Variants in TTI1 observed in about 807,000 individuals in gnomAD.
TTI1 encodes TELO2-interacting protein 1 homolog.
In TTI1, 52 loss-of-function variants were observed where a neutral mutation model predicts 85.4. The ratio of observed to expected loss-of-function variants is 0.61; its 90% CI spans 0.49 to 0.77. The LOEUF (loss-of-function observed/expected upper bound fraction) is 0.77. Ranked by LOEUF, TTI1 falls within the 30% of genes least tolerant of loss-of-function variation. The pLI, the probability that TTI1 is intolerant of heterozygous loss-of-function variation, is 0.00. For synonymous variants in TTI1, 512 were observed against 503.9 expected, an observed-to-expected ratio of 1.02 and a Z score of -0.22; for missense variants, 1,173 against 1,296.0, an observed-to-expected ratio of 0.91 and a Z score of 1.46.
chr20:37,987,061 G>A lies in TTI1; in HGVS notation c.3087-3422C>T, dbSNP rs972663795. On this transcript the variant is annotated intron_variant, in intron 7 of 7. Transcript: ENST00000373447. ...GCAAGTGTAGCTGTGCTCTCACTCC[G>A]AGAGGCAGGCGGCCTGCTGAACTCT... 1.0e-4 allele frequency: 42 copies of A among 420,634 alleles called. 1 individual carries two copies. The highest frequency in any genetic ancestry group is 8.6e-4 in the Admixed American group (34 of 39,322). 26.1% of individuals were successfully genotyped at this position (420,634 alleles called of 1,614,324 possible).
chr20:37,984,443 C>T (rs1163478865), intron 7 of TTI1, among the ~76,000 whole-genome samples: 1 of 152,354 alleles, frequency 6.6e-6, no homozygotes. Flanking sequence ...GGTCACAACT[C>T]TTGCCTCTTA....
intron 1 of TTI1, among the ~76,000 whole-genome samples, chr20:38,031,473 C>T (rs777320656): frequency 2.0e-5 from 3 of 152,202 alleles, no homozygotes; most frequent in Non-Finnish European, 2.9e-5. Context: ...ATCAATGAGG[C>T]CTTCTCTGAG....
intron 4 of TTI1, among the ~76,000 whole-genome samples, chr20:38,001,207 G>A (rs1169201709): frequency 2.0e-5 from 3 of 152,178 alleles, no homozygotes; most frequent in African/African-American, 7.2e-5. Flanking sequence ...ATGAATGAGT[G>A]TATGTGTCTT....
chr20:37,997,936 C>T (rs1568612991), intron 5 of TTI1, among the ~76,000 whole-genome samples: 1 of 152,130 alleles, frequency 6.6e-6, no homozygotes, highest in Non-Finnish European at 1.5e-5. Context: ...TAATCTCTTT[C>T]TTTTTTCGAG....
chr20:38,006,430 C>A (rs2073501177), intron 2 of TTI1, 33 bp from the exon 3 acceptor site: 2 of 1,611,048 alleles, frequency 1.2e-6, no homozygotes, highest in African/African-American at 2.7e-5. Flanking sequence ...ATCACCTTGG[C>A]TATTAACAAC....
intron 3 of TTI1, among the ~76,000 whole-genome samples, chr20:38,005,471 C>G (rs1277815411): frequency 1.3e-5 from 2 of 151,878 alleles, no homozygotes; most frequent in Admixed American, 1.3e-4. Flanking sequence ...ATGGACAAAG[C>G]ATATAAATAG....
At chr20:38,025,097 C>T (rs749036918) in intron 1 of TTI1, among the ~76,000 whole-genome samples, 2 of 152,138 alleles carry the variant, frequency 1.3e-5, no homozygotes, top group African/African-American at 2.4e-5. Context: ...TGATGAGGTA[C>T]GGACCCCCTT....
At chr20:38,023,963 C>T (rs1038997454) in intron 1 of TTI1, among the ~76,000 whole-genome samples, 12 of 152,216 alleles carry the variant, frequency 7.9e-5, no homozygotes, top group South Asian at 6.2e-4. Context: ...TACATATTTC[C>T]GGAAATTACT....
At chr20:38,031,478 T>C (rs1222439361) in intron 1 of TTI1, among the ~76,000 whole-genome samples, 2 of 152,240 alleles carry the variant, frequency 1.3e-5, no homozygotes, top group Admixed American at 6.5e-5. Flanking sequence ...TGAGGCCTTC[T>C]CTGAGAAGCA....
intron 5 of TTI1, 53 bp downstream of exon 5, chr20:37,999,135 G>T (rs1468950521): frequency 7.5e-7 from 1 of 1,325,070 alleles, no homozygotes; most frequent in Non-Finnish European, 9.7e-7. Flanking sequence ...GGTGAGCTCT[G>T]TGCCTACTAA....
At chr20:38,000,707 A>AG (rs1254417734) in intron 4 of TTI1, among the ~76,000 whole-genome samples, 2 of 152,228 alleles carry the variant, frequency 1.3e-5, no homozygotes, top group African/African-American at 4.8e-5. Flanking sequence ...AGTGGGGAGC[A>AG]GGGGATCAGG....
intron 1 of TTI1, among the ~76,000 whole-genome samples, chr20:38,031,762 C>A (rs761830411): frequency 6.6e-6 from 1 of 152,144 alleles, no homozygotes; most frequent in Non-Finnish European, 1.5e-5. Context: ...TAAGATAACC[C>A]TAATTTGACT....
chr20:38,013,899 G>A, intron 1 of TTI1, 42 bp from the exon 2 acceptor site: 1 of 1,518,002 alleles, frequency 6.6e-7, no homozygotes, highest in Non-Finnish European at 8.8e-7. Flanking sequence ...CAAGTTCAAA[G>A]CAAGTATGAA....
chr20:38,001,705 G>T (rs1267073222), intron 4 of TTI1, among the ~76,000 whole-genome samples: 1 of 152,086 alleles, frequency 6.6e-6, no homozygotes, highest in Non-Finnish European at 1.5e-5. Flanking sequence ...GAGTCACTAA[G>T]GCAGTTGTGT....
intron 2 of TTI1, among the ~76,000 whole-genome samples, chr20:38,009,774 A>AT (rs1247872262): frequency 1.3e-5 from 2 of 152,146 alleles, no homozygotes; most frequent in African/African-American, 4.8e-5. Context: ...AAGTGTTGAG[A>AT]TTACAGGTGT....
rs758208800 is a variant in TTI1, at chr20:37,996,764, C to T, written c.2983G>A (p.Glu995Lys). The T allele has an allele frequency of 6.2e-7, 1 of 1,611,254 alleles. No individual in the cohort carries two copies. The highest frequency in any genetic ancestry group is 8.5e-7 in the Non-Finnish European group (1 of 1,178,016). Residue 995 changes from glutamate to lysine, a missense_variant, in exon 6 of 8, where the codon GAG becomes AAG. Physicochemically the swap from Glu to Lys is moderately conservative, Grantham distance 56 (BLOSUM62 1). Transcript: ENST00000373447. Reference sequence around the variant, plus strand: ...TGGTACCCACCTAGGTCCAGTCTCTCACAGAGGGGGCCCAGGCCCTGTAAG... The same window carrying T: ...TGGTACCCACCTAGGTCCAGTCTCTTACAGAGGGGGCCCAGGCCCTGTAAG... ...AVLQGLGPLC[E>K]RLDLGEGDLN...
intron 1 of TTI1, among the ~76,000 whole-genome samples, chr20:38,025,943 G>A (rs1037376931): frequency 6.6e-6 from 1 of 152,160 alleles, no homozygotes; most frequent in Admixed American, 6.5e-5. Context: ...GAGCTTCAGG[G>A]AACCTGTGGG....
At chr20:37,988,322 C>T (rs1197886987) in intron 7 of TTI1, among the ~76,000 whole-genome samples, 2 of 152,190 alleles carry the variant, frequency 1.3e-5, no homozygotes, top group African/African-American at 4.8e-5. Context: ...CAATCATGGG[C>T]ACTGGATCAT....
At chr20:38,018,869 C>T (rs146952740) in intron 1 of TTI1, 1 of 151,508 alleles carries the variant, frequency 6.6e-6, no homozygotes, top group East Asian at 1.9e-4. Context: ...AAAGGTAAGG[C>T]TGGGCATGGG....
Sources: allele counts gnomAD v4.1 joint callset (sites outside exome capture counted in the v4.1 genomes callset), GRCh38; gene constraint gnomAD v4.1.1; transcripts MANE v1.5; gene names NCBI Gene and HGNC (gene_info 2026-07-23, HGNC 2026-07-21).